The following PPM1H variants were observed in gnomAD, a reference collection of about 807,000 sequenced individuals.
The protein encoded by PPM1H is protein phosphatase 1H.
Under a neutral mutation model 54.9 loss-of-function variants are expected in PPM1H, and 27 were observed. The observed-to-expected ratio is 0.49, with a 90% CI of 0.36 to 0.68. The LOEUF is 0.68. Among genes scored for constraint, PPM1H ranks in the 30% least tolerant of loss-of-function variants. The pLI, the probability that PPM1H is intolerant of heterozygous loss-of-function variation, is 0.00. For synonymous variants in PPM1H, 305 were observed against 270.8 expected, an observed-to-expected ratio of 1.13 and a Z score of -1.24; for missense variants, 596 against 667.8, an observed-to-expected ratio of 0.89 and a Z score of 1.19.
rs183454536 is a variant in PPM1H, at chr12:62,907,339, C to A, written c.245+27153G>T. Among the ~76,000 whole-genome samples, 244 of 152,278 alleles carry A rather than the reference C, an allele frequency of 1.6e-3. 3 individuals are homozygous for A. The highest frequency in any genetic ancestry group is 4.7e-4 in the Non-Finnish European group (32 of 68,022). ...TTGGGAGCTGGATATTATTACCCTACTTTTAGTAATGGAGAAAATGGAGTT... is the reference window on the plus strand; with the variant it reads ...TTGGGAGCTGGATATTATTACCCTAATTTTAGTAATGGAGAAAATGGAGTT... On this transcript the variant is annotated intron_variant, in intron 1 of 9. Coordinates refer to ENST00000228705, the MANE Select transcript of PPM1H (RefSeq NM_020700.2).
chr12:62,913,621 A>G (rs1249875975), intron 1 of PPM1H, among the ~76,000 whole-genome samples: 1 of 152,170 alleles, frequency 6.6e-6, no homozygotes, highest in South Asian at 2.1e-4. Flanking sequence ...AACTTCAGGA[A>G]AAGAGGTTTG....
intron 8 of PPM1H, among the ~76,000 whole-genome samples, chr12:62,681,835 G>C (rs1016479103): frequency 3.3e-5 from 5 of 152,222 alleles, no homozygotes; most frequent in African/African-American, 1.2e-4. Context: ...CCTATGGAAA[G>C]AACCACTGAA....
intron 1 of PPM1H, among the ~76,000 whole-genome samples, chr12:62,923,804 C>G (rs949013285): frequency 6.6e-6 from 1 of 152,162 alleles, no homozygotes; most frequent in African/African-American, 2.4e-5. Context: ...GCCCTGAGGG[C>G]AAGACACTTG....
chr12:62,704,328 G>T (rs1041026012), intron 6 of PPM1H, among the ~76,000 whole-genome samples: 1 of 152,088 alleles, frequency 6.6e-6, no homozygotes, highest in African/African-American at 2.4e-5. Flanking sequence ...CCAACATCTC[G>T]CCCCAGGCTC....
At chr12:62,794,484 A>T (rs973876918) in intron 3 of PPM1H, among the ~76,000 whole-genome samples, 8 of 152,188 alleles carry the variant, frequency 5.3e-5, no homozygotes, top group African/African-American at 1.9e-4. Flanking sequence ...TAGTAGTTCC[A>T]TAAGTTAAAA....
intron 6 of PPM1H, among the ~76,000 whole-genome samples, chr12:62,705,972 G>A (rs982182504): frequency 1.3e-5 from 2 of 152,262 alleles, no homozygotes; most frequent in Admixed American, 6.5e-5. Flanking sequence ...CGGCCCTTGC[G>A]GCTTTCCCTC....
chr12:62,681,358 G>A (rs562875740), intron 8 of PPM1H, among the ~76,000 whole-genome samples: 18 of 152,036 alleles, frequency 1.2e-4, no homozygotes, highest in African/African-American at 3.9e-4. Flanking sequence ...TAGTTTCCAC[G>A]GTCCCTTCCC....
chr12:62,788,403 C>CAAGAGAATGAAAGTG, intron 3 of PPM1H, 65 bp from the exon 4 acceptor site: 1 of 1,035,996 alleles, frequency 9.7e-7, no homozygotes, highest in Non-Finnish European at 1.5e-6. Context: ...TTCTCACTTT[C>CAAGAGAATGAAAGTG]ATTCTCTTGA....
At chr12:62,677,408 C>A (rs2075993881) in intron 8 of PPM1H, among the ~76,000 whole-genome samples, 1 of 152,206 alleles carries the variant, frequency 6.6e-6, no homozygotes, top group Admixed American at 6.5e-5. Context: ...CTTTGGGGAA[C>A]CCAGACTTAG....
intron 2 of PPM1H, among the ~76,000 whole-genome samples, chr12:62,827,253 C>T (rs1868300917): frequency 6.6e-6 from 1 of 152,122 alleles, no homozygotes; most frequent in African/African-American, 2.4e-5. Context: ...TTTTCAGTGA[C>T]CAGCACCTAG....
intron 4 of PPM1H, among the ~76,000 whole-genome samples, chr12:62,743,801 T>C (rs1220700710): frequency 6.6e-6 from 1 of 152,014 alleles, no homozygotes. Flanking sequence ...AGATGCTCAA[T>C]CTCACTAGTC....
chr12:62,796,086 G>A (rs1331860136), intron 3 of PPM1H, among the ~76,000 whole-genome samples: 1 of 152,206 alleles, frequency 6.6e-6, no homozygotes, highest in African/African-American at 2.4e-5. Flanking sequence ...ATTTTAAGAT[G>A]TAAGCTCAAT....
chr12:62,847,693 A>C (rs993497370), intron 1 of PPM1H, among the ~76,000 whole-genome samples: 1 of 152,184 alleles, frequency 6.6e-6, no homozygotes. Context: ...GGCATATTTA[A>C]TCTTCTGAAT....
chr12:62,710,361 G>A (rs1312205765), intron 6 of PPM1H, among the ~76,000 whole-genome samples: 2 of 151,754 alleles, frequency 1.3e-5, no homozygotes, highest in Non-Finnish European at 2.9e-5. Flanking sequence ...GTGAAACCTT[G>A]TCTCTACTAA....
intron 1 of PPM1H, among the ~76,000 whole-genome samples, chr12:62,838,920 C>CAA (rs71278269): frequency 0.014 from 459 of 33,330 alleles, 52 homozygotes; most frequent in Non-Finnish European, 0.015. Flanking sequence ...GACTCCGTCT[C>CAA]AAAAAAAAAA....
intron 1 of PPM1H, among the ~76,000 whole-genome samples, chr12:62,834,407 A>C (rs1002039048): frequency 2.0e-5 from 3 of 152,220 alleles, no homozygotes; most frequent in Admixed American, 6.5e-5. Context: ...TAAGCAACTT[A>C]TCAGAAGCTC....
intron 2 of PPM1H, among the ~76,000 whole-genome samples, chr12:62,822,666 G>A (rs2076911451): frequency 6.6e-6 from 1 of 152,120 alleles, no homozygotes; most frequent in Non-Finnish European, 1.5e-5. Flanking sequence ...TGAAATGAAG[G>A]CAGAAATAAA....
rs572467863 is a variant in PPM1H, at chr12:62,663,979, C to T, written c.1397+3199G>A. 6.1e-5 allele frequency among the ~76,000 whole-genome samples: 8 copies of T among 131,618 alleles called. No homozygotes were observed. In the East Asian group the frequency reaches 6.8e-4, roughly 11 times the overall value. 86.3% of individuals were successfully genotyped at this position (131,618 alleles called of 152,430 possible). A position where few individuals can be genotyped will look rare whatever the true frequency, so the allele number is the denominator to read the frequency against. The stretch of plus-strand genomic sequence containing the variant: ...TGCACTCCAGCCTGGGCAACAAGAG[C>T]GAAACTCCATCTCAAAAAAAAAAAA... On this transcript the variant is annotated intron_variant, in intron 9 of 9. Transcript: ENST00000228705.
At chr12:62,679,056 G>C (rs148375124) in intron 8 of PPM1H, among the ~76,000 whole-genome samples, 1 of 151,274 alleles carries the variant, frequency 6.6e-6, no homozygotes, top group Non-Finnish European at 1.5e-5. Context: ...GTGAGATCTC[G>C]GCTCACTGCA....
Sources: gnomAD v4.1 joint callset for allele counts (sites outside exome capture counted in the v4.1 genomes callset) on GRCh38, gnomAD v4.1.1 for gene constraint, MANE v1.5 for transcripts, NCBI Gene and HGNC (gene_info 2026-07-23, HGNC 2026-07-21) for gene names.